ATP2A3: variants seen among roughly 807,000 people sequenced by gnomAD.
The protein encoded by ATP2A3 is ATPase sarcoplasmic/endoplasmic reticulum Ca2+ transporting 3.
ATP2A3 carries 61 observed loss-of-function variants against 106.8 expected under a neutral mutation model. The observed-to-expected ratio is 0.57, with a 90% CI of 0.46 to 0.71. The LOEUF is 0.71. Among genes scored for constraint, ATP2A3 ranks in the 30% least tolerant of loss-of-function variants. The pLI, the probability that ATP2A3 is intolerant of heterozygous loss-of-function variation, is 0.00. For synonymous variants in ATP2A3, 611 were observed against 609.3 expected (o/e 1.00, Z -0.04); for missense variants, 1,201 against 1,423.5 (o/e 0.84, Z 2.52).
rs2055219454 is a variant in ATP2A3 at position 3,962,906 on chromosome 17, G to C, written c.118+1268C>G. ...GCCCCCAGCCCACCCCAGGGTCAGAGGCAGCCCATGCTGCCCAGCTCTCCT... is the reference window on the plus strand; with the variant it reads ...GCCCCCAGCCCACCCCAGGGTCAGACGCAGCCCATGCTGCCCAGCTCTCCT... On this transcript the variant is annotated intron_variant, in intron 1 of 20. Coordinates refer to ENST00000397041, the MANE Select transcript of ATP2A3 (RefSeq NM_005173.4). Among the ~76,000 whole-genome samples the C allele has an allele frequency of 4.6e-5, 7 of 152,316 alleles. No individual in the cohort carries two copies. The South Asian group carries it at 1.4e-3, about 32-fold the overall frequency.
intron 16 of ATP2A3, among the ~76,000 whole-genome samples, chr17:3,935,534 A>ATT (rs2053390694): frequency 1.9e-5 from 2 of 105,846 alleles, no homozygotes; most frequent in African/African-American, 7.2e-5. Context: ...GCCTGTTGAG[A>ATT]CTTTTTTTTT....
At chr17:3,958,867 TATACAC>T (rs1172592763) in intron 1 of ATP2A3, among the ~76,000 whole-genome samples, 1 of 102,528 alleles carries the variant, frequency 9.8e-6, no homozygotes, top group Admixed American at 1.0e-4. Flanking sequence ...TATATATATA[TATACAC>T]ACACACACAC....
intron 1 of ATP2A3, among the ~76,000 whole-genome samples, chr17:3,959,660 A>G (rs76059870): frequency 0.012 from 1,758 of 152,330 alleles, 42 homozygotes; most frequent in African/African-American, 0.04. Context: ...AGGTAAATTT[A>G]CAGAGCAATT....
Position 3,951,263 on chromosome 17 carries a change from C to T in ATP2A3, c.451G>A (p.Val151Ile). ...GGCCCCGGCATACCTGCCACTTCTA[C>T]AATGTCCCCTGGGACGATGTCCCGG... is the stretch of plus-strand genomic sequence containing the variant. ...RARDIVPGDI[V>I]EVAVGDKVPA... Residue 151 changes from valine to isoleucine, a missense_variant, in exon 5 of 21, where the codon GTA becomes ATA. Val to Ile is a conservative substitution (Grantham distance 29). Transcript: ENST00000397041. The T allele has an allele frequency of 6.2e-7, 1 of 1,606,800 alleles. No individual in the cohort carries two copies. Among genetic ancestry groups the T allele is most frequent in the South Asian group, 1.1e-5 (1 of 89,638 alleles).
At chr17:3,942,549 G>A in intron 12 of ATP2A3, 57 bp downstream of exon 12, 2 of 1,593,104 alleles carry the variant, frequency 1.3e-6, no homozygotes, top group Non-Finnish European at 1.7e-6. Flanking sequence ...AGAGGAGCGT[G>A]GATGACCAGG....
chr17:3,945,422 G>A, intron 8 of ATP2A3: 1 of 356,086 alleles, frequency 2.8e-6, no homozygotes, highest in Non-Finnish European at 5.2e-6. Flanking sequence ...GGGGGCAGTT[G>A]CCAGCTTGAG....
Position 3,953,860 on chromosome 17 carries a change from C to T in ATP2A3, c.119-150G>A. 1.1e-6 allele frequency: 1 copy of T among 879,162 alleles called. No individual in the cohort carries two copies. Among genetic ancestry groups the T allele is most frequent in the Non-Finnish European group, 1.9e-6 (1 of 538,474 alleles). The allele number at this position is 879,162 out of a possible 1,614,324, so 54.5% of individuals were successfully genotyped here. ...ATGTATCCCCAGGGCTCTCTGAGGCCACAGGATAAATGGTTTGAGCCCAAA... is the reference window on the plus strand; with the variant it reads ...ATGTATCCCCAGGGCTCTCTGAGGCTACAGGATAAATGGTTTGAGCCCAAA... On this transcript the variant is annotated intron_variant, in intron 1 of 20. Transcript: ENST00000397041. This position sits in a 1 kb window ranked among gnomAD's most constrained non-coding sequence, Gnocchi z 5.1.
intron 9 of ATP2A3, 125 bp downstream of exon 9, chr17:3,944,935 C>T: frequency 1.5e-6 from 2 of 1,337,616 alleles, no homozygotes; most frequent in East Asian, 2.8e-5. Flanking sequence ...GCCTCCTGGC[C>T]CCGCCCCGGG....
chr17:3,942,565 C>T, intron 12 of ATP2A3, 41 bp downstream of exon 12: 1 of 1,599,714 alleles, frequency 6.3e-7, no homozygotes, highest in Non-Finnish European at 8.5e-7. Flanking sequence ...CCAGGTTCCC[C>T]AGGGCGCGCA....
At position 3,936,102 on chromosome 17, in the gene ATP2A3, A is replaced by C. The variant is rs539239607; in HGVS notation, c.2524+165T>G. ...GAGGCAGTGCCAAAATATGCCAGTGATACTGAGACCCAGATCCCGCCATGC... is the reference window on the plus strand; with the variant it reads ...GAGGCAGTGCCAAAATATGCCAGTGCTACTGAGACCCAGATCCCGCCATGC... On this transcript the variant is annotated intron_variant, in intron 16 of 20. Transcript: ENST00000397041. The surrounding 1 kb of genome is among the most constrained non-coding windows in gnomAD (Gnocchi z 5.4). Among the ~76,000 whole-genome samples, 2 of 152,338 alleles carry C rather than the reference A, an allele frequency of 1.3e-5. No individual in the cohort carries two copies. The highest frequency in any genetic ancestry group is 4.8e-5 in the African/African-American group (2 of 41,570).
At position 3,947,939 on chromosome 17, in the gene ATP2A3, G is replaced by C; in HGVS notation, c.631-84C>G. The stretch of plus-strand genomic sequence containing the variant: ...CCTGACTCCTTCAGGCCGGAATAAG[G>C]CACTTATCCTTCTACCCGGCTTTCC... On this transcript the variant is annotated intron_variant, in intron 7 of 20. Transcript: ENST00000397041. The surrounding 1 kb of genome is among the most constrained non-coding windows in gnomAD (Gnocchi z 7.7). 1 of 1,344,350 alleles carries C rather than the reference G, an allele frequency of 7.4e-7. No homozygotes were observed. The highest frequency in any genetic ancestry group is 1.2e-5 in the South Asian group (1 of 82,988). 83.3% of individuals were successfully genotyped at this position (1,344,350 alleles called of 1,614,324 possible).
intron 17 of ATP2A3, among the ~76,000 whole-genome samples, chr17:3,934,538 T>TTTC (rs71381541): frequency 0.14 from 20,950 of 146,240 alleles, 1,778 homozygotes; most frequent in African/African-American, 0.2. Flanking sequence ...TTTTTTTTTT[T>TTTC]CTTGAGATGG....
Position 3,941,527 on chromosome 17 carries a change from G to A in ATP2A3, c.1673C>T (p.Thr558Met), listed in dbSNP as rs147797776. 20 of 1,613,896 alleles carry A rather than the reference G, an allele frequency of 1.2e-5. No homozygotes were observed. In the Admixed American group the frequency reaches 1.7e-4, roughly 13 times the overall value. The change falls in exon 13 of 21, where the codon ACG (threonine) becomes ATG (methionine). Residue 558 changes from threonine to methionine, a missense_variant. By Grantham distance (81) the Thr-to-Met change is moderately conservative. Transcript: ENST00000397041. ...KIRDWGSGSD[T>M]LRCLALATRD... is the part of the protein sequence containing the mutation. ...GGTGGCCAGTGCCAGGCAGCGCAGCGTGTCTGAGCCTGAGCCCCAATCCCG... is the reference window on the plus strand; with the variant it reads ...GGTGGCCAGTGCCAGGCAGCGCAGCATGTCTGAGCCTGAGCCCCAATCCCG...
chr17:3,947,911 AC>A lies in ATP2A3; in HGVS notation c.631-57del. The A allele has an allele frequency of 6.5e-7, 1 of 1,540,028 alleles. No homozygotes were observed. Among genetic ancestry groups the A allele is most frequent in the Middle Eastern group, 1.7e-4 (1 of 5,944 alleles). On this transcript the variant is annotated intron_variant, in intron 7 of 20. Coordinates refer to ENST00000397041, the MANE Select transcript of ATP2A3 (RefSeq NM_005173.4). This position sits in a 1 kb window ranked among gnomAD's most constrained non-coding sequence, Gnocchi z 7.7. Reference sequence around the variant, plus strand: ...CTCAGCAGCCAACCAGGGGCCCAGGACCCCTGACTCCTTCAGGCCGGAATAA... The same window carrying A: ...CTCAGCAGCCAACCAGGGGCCCAGGACCCTGACTCCTTCAGGCCGGAATAA...
intron 1 of ATP2A3, among the ~76,000 whole-genome samples, chr17:3,961,763 T>C (rs988628797): frequency 2.1e-4 from 32 of 152,250 alleles, no homozygotes; most frequent in African/African-American, 7.0e-4. Context: ...CAAGGAAGGA[T>C]GACTTGGTGT....
At chr17:3,933,100 G>A (rs2053208219) in intron 17 of ATP2A3, among the ~76,000 whole-genome samples, 1 of 151,464 alleles carries the variant, frequency 6.6e-6, no homozygotes, top group Non-Finnish European at 1.5e-5. Context: ...TGGCCAACAT[G>A]GTGAAACTCC....
intron 11 of ATP2A3, among the ~76,000 whole-genome samples, chr17:3,943,016 G>A (rs1389637230): frequency 2.6e-5 from 4 of 152,094 alleles, no homozygotes; most frequent in African/African-American, 7.2e-5. Flanking sequence ...AGCCAGGAGC[G>A]GTGGCTCACG....
At chr17:3,941,704 C>T (rs2053790210) in intron 12 of ATP2A3, 50 bp from the exon 13 acceptor site, 1 of 1,572,702 alleles carries the variant, frequency 6.4e-7, no homozygotes, top group Admixed American at 1.7e-5. Flanking sequence ...CAGAACCCCT[C>T]CTCTCCTTCC....
intron 14 of ATP2A3, 72 bp downstream of exon 14, chr17:3,940,899 C>T: frequency 6.5e-7 from 1 of 1,536,788 alleles, no homozygotes; most frequent in Non-Finnish European, 9.0e-7. Context: ...GGGAGAGTTG[C>T]ACGGCTTGCT....
Sources: gnomAD v4.1 joint callset for allele counts (sites outside exome capture counted in the v4.1 genomes callset) on GRCh38, gnomAD v4.1.1 for gene constraint, Gnocchi (gnomAD v3.1) non-coding constraint, MANE v1.5 for transcripts, NCBI Gene and HGNC (gene_info 2026-07-23, HGNC 2026-07-21) for gene names.